Variants in CALD1 observed in about 807,000 individuals in gnomAD.
The protein encoded by CALD1 is caldesmon 1.
Under a neutral mutation model 99.9 loss-of-function variants are expected in CALD1, and 33 were observed. That is an observed-to-expected ratio of 0.33 (90% CI 0.25 to 0.44). The LOEUF (loss-of-function observed/expected upper bound fraction) is 0.44, where lower values mean the gene tolerates loss of function less well. CALD1 is among the 20% of genes least tolerant of loss of function. The pLI is 1.00. For synonymous variants in CALD1, 310 were observed against 325.0 expected, an observed-to-expected ratio of 0.95 and a Z score of 0.50; for missense variants, 861 against 962.1, an observed-to-expected ratio of 0.89 and a Z score of 1.39.
chr7:134,746,643 G>A (rs1796637562), intron 1 of CALD1, among the ~76,000 whole-genome samples: 1 of 152,132 alleles, frequency 6.6e-6, no homozygotes, highest in Non-Finnish European at 1.5e-5. Flanking sequence ...GAAAAAAGGA[G>A]AGCTGTAGAG....
At chr7:134,904,808 A>G (rs1203443097) in intron 3 of CALD1, among the ~76,000 whole-genome samples, 1 of 152,142 alleles carries the variant, frequency 6.6e-6, no homozygotes, top group East Asian at 1.9e-4. Context: ...GCCCCAAAGA[A>G]GAACAGAAAA....
chr7:134,730,104 G>C, the CALD1 span, among the ~76,000 whole-genome samples: 1 of 152,086 alleles, frequency 6.6e-6, no homozygotes, highest in Non-Finnish European at 1.5e-5. Flanking sequence ...TGAAACTTTA[G>C]TTCTGGGAGC....
the CALD1 span, among the ~76,000 whole-genome samples, chr7:134,737,646 G>C: frequency 6.6e-6 from 1 of 152,108 alleles, no homozygotes; most frequent in Non-Finnish European, 1.5e-5. Context: ...AGGAGGTAGT[G>C]CTCGTGAATT....
At chr7:134,754,693 T>A (rs1796712805) in intron 1 of CALD1, among the ~76,000 whole-genome samples, 1 of 152,074 alleles carries the variant, frequency 6.6e-6, no homozygotes, top group Admixed American at 6.5e-5. Context: ...CACTCAACAG[T>A]CTATAATGGA....
At chr7:134,914,537 G>A (rs774398956) in intron 3 of CALD1, among the ~76,000 whole-genome samples, 10 of 152,156 alleles carry the variant, frequency 6.6e-5, no homozygotes, top group East Asian at 1.9e-4. Flanking sequence ...CTTATACTTC[G>A]TTAAATGATT....
At chr7:134,761,069 T>C (rs1437454242) in intron 1 of CALD1, among the ~76,000 whole-genome samples, 1 of 152,078 alleles carries the variant, frequency 6.6e-6, no homozygotes, top group Non-Finnish European at 1.5e-5. Context: ...GCTAGACAAA[T>C]GATGCCAAGA....
At chr7:134,778,480 A>G (rs1451397533), upstream of CALD1, among the ~76,000 whole-genome samples, 2 of 152,200 alleles carry the variant, frequency 1.3e-5, no homozygotes, top group African/African-American at 4.8e-5. Flanking sequence ...ACATATAACA[A>G]TGAGACATAG....
chr7:134,838,266 T>C (rs1215874570), intron 1 of CALD1, among the ~76,000 whole-genome samples: 4 of 152,224 alleles, frequency 2.6e-5, no homozygotes, highest in Admixed American at 1.3e-4. Flanking sequence ...GAGATTCTCA[T>C]ACAGACATAA....
At chr7:134,746,811 C>G (rs2131544140) in intron 1 of CALD1, among the ~76,000 whole-genome samples, 1 of 152,238 alleles carries the variant, frequency 6.6e-6, no homozygotes, top group Non-Finnish European at 1.5e-5. Context: ...TTTAAAGTGG[C>G]AAAGAATTTG....
intron 1 of CALD1, among the ~76,000 whole-genome samples, chr7:134,803,989 C>A (rs115785013): frequency 0.014 from 2,165 of 152,324 alleles, 48 homozygotes; most frequent in African/African-American, 0.049. Context: ...AGCCACCACA[C>A]CCAGCCAGGC....
At chr7:134,755,926 G>T (rs530023105) in intron 1 of CALD1, among the ~76,000 whole-genome samples, 2 of 152,178 alleles carry the variant, frequency 1.3e-5, no homozygotes, top group Admixed American at 1.3e-4. Flanking sequence ...ATGACTGGTG[G>T]ATGATGTGAG....
chr7:134,831,668 T>C (rs1799227596), intron 1 of CALD1, among the ~76,000 whole-genome samples: 1 of 152,194 alleles, frequency 6.6e-6, no homozygotes, highest in South Asian at 2.1e-4. Flanking sequence ...TTGTATACTT[T>C]CTATAATAAA....
the CALD1 span, among the ~76,000 whole-genome samples, chr7:134,735,539 CTCTT>C: frequency 7.3e-5 from 11 of 151,432 alleles, no homozygotes; most frequent in African/African-American, 2.2e-4. Flanking sequence ...TGCTATTTCT[CTCTT>C]TCTTTCCCTC....
At chr7:134,891,778 G>T in intron 3 of CALD1, 1 of 846,106 alleles carries the variant, frequency 1.2e-6, no homozygotes. Context: ...ATGTGGGAGT[G>T]GGAGGGGAGA....
chr7:134,967,562 T>C (rs1044944647), intron 14 of CALD1, among the ~76,000 whole-genome samples: 11 of 151,554 alleles, frequency 7.3e-5, no homozygotes, highest in Non-Finnish European at 1.5e-4. Context: ...AGGGAGAAAA[T>C]AGAGATTGCT....
At chr7:134,818,843 C>T (rs745716946) in intron 1 of CALD1, among the ~76,000 whole-genome samples, 2 of 152,058 alleles carry the variant, frequency 1.3e-5, no homozygotes, top group Non-Finnish European at 2.9e-5. Context: ...TGACATACTG[C>T]AAGATGGAAA....
chr7:134,815,568 AAGTCTCACTGTT>A lies in CALD1; in HGVS notation c.-129-28315_-129-28304del, dbSNP rs1403079456. Among the ~76,000 whole-genome samples, 6 of 152,236 alleles carry A rather than the reference AAGTCTCACTGTT, an allele frequency of 3.9e-5. No homozygotes were observed. The East Asian group carries it at 1.2e-3, about 29-fold the overall frequency. On this transcript the variant is annotated intron_variant, in intron 1 of 14. Coordinates refer to ENST00000361675, the MANE Select transcript of CALD1 (RefSeq NM_033138.4). ...TGTAATGATATCATTCACCTATCTGAAGTCTCACTGTTTAGAGGGGTGACCCTCTAAACCATT... is the reference window on the plus strand; with the variant it reads ...TGTAATGATATCATTCACCTATCTGATAGAGGGGTGACCCTCTAAACCATT...
the CALD1 span, among the ~76,000 whole-genome samples, chr7:134,726,977 C>T: frequency 6.6e-6 from 1 of 152,168 alleles, no homozygotes; most frequent in African/African-American, 2.4e-5. Context: ...TGCCGCCAAC[C>T]TCCAGAAATG....
intron 2 of CALD1, among the ~76,000 whole-genome samples, chr7:134,859,592 A>G (rs150139406): frequency 2.0e-5 from 3 of 152,328 alleles, no homozygotes; most frequent in African/African-American, 7.2e-5. Flanking sequence ...CTAAATGCCA[A>G]TCCTGGTTTT....
Sources: gnomAD v4.1 joint callset for allele counts (sites outside exome capture counted in the v4.1 genomes callset) on GRCh38, gnomAD v4.1.1 for gene constraint, MANE v1.5 for transcripts, NCBI Gene and HGNC (gene_info 2026-07-23, HGNC 2026-07-21) for gene names.